Variants in MTO1 observed in about 807,000 individuals in gnomAD.
MTO1 encodes mitochondrial tRNA translation optimization 1, also known as 5-taurinomethyluridine-[tRNA] synthase subunit MTO1, mitochondrial.
Under a neutral mutation model 71.6 loss-of-function variants are expected in MTO1, and 46 were observed. The observed-to-expected ratio is 0.64, with a 90% CI of 0.51 to 0.82. MTO1 has a LOEUF of 0.82. Among genes scored for constraint, MTO1 ranks in the 40% least tolerant of loss-of-function variants. MTO1 has a pLI of 0.00. For missense variants in MTO1, 773 were observed against 867.5 expected, an observed-to-expected ratio of 0.89 and a Z score of 1.37; for synonymous variants, 297 against 312.1, an observed-to-expected ratio of 0.95 and a Z score of 0.51.
chr6:73,493,471 A>G (rs570909416), intron 10 of MTO1, among the ~76,000 whole-genome samples: 86 of 150,078 alleles, frequency 5.7e-4, no homozygotes, highest in African/African-American at 2.1e-3. Flanking sequence ...GCTCACTGCA[A>G]CCTACACCTC....
intron 1 of MTO1, among the ~76,000 whole-genome samples, chr6:73,465,344 A>G (rs571099240): frequency 6.6e-6 from 1 of 151,834 alleles, no homozygotes; most frequent in Non-Finnish European, 1.5e-5. Flanking sequence ...TTTGTATTTT[A>G]GTAGAGACGG....
Position 73,466,171 on chromosome 6 carries a change from G to A in MTO1, c.218-38G>A, listed in dbSNP as rs76943968. 2.9e-3 allele frequency: 4,425 copies of A among 1,529,026 alleles called. 65 individuals are homozygous for A. In the African/African-American group the frequency reaches 0.035, roughly 12 times the overall value. 94.7% of individuals were successfully genotyped at this position (1,529,026 alleles called of 1,614,324 possible). A position where few individuals can be genotyped will look rare whatever the true frequency, so the allele number is the denominator to read the frequency against. On this transcript the variant is annotated intron_variant, in intron 1 of 11. Coordinates refer to ENST00000498286, the MANE Select transcript of MTO1 (RefSeq NM_012123.4). ...ATTAAGTAGTCACTATGTGCAAGGT[G>A]CTCATATATTTATTTTGTTTATGTC...
intron 9 of MTO1, among the ~76,000 whole-genome samples, chr6:73,490,756 G>A (rs942656109): frequency 1.9e-4 from 28 of 150,458 alleles, no homozygotes; most frequent in African/African-American, 6.6e-4. Context: ...AACCTTCTAA[G>A]TAAATTACAG....
rs1771444461 is a variant in MTO1 at position 73,480,118 on chromosome 6, T to G, written c.1121T>G (p.Ile374Ser). 6.2e-7 allele frequency: 1 copy of G among 1,613,694 alleles called. No individual in the cohort carries two copies. Among genetic ancestry groups the G allele is most frequent in the Non-Finnish European group, 8.5e-7 (1 of 1,179,852 alleles). The change falls in exon 6 of 12, where the codon ATT (isoleucine) becomes AGT (serine). Residue 374 changes from isoleucine to serine, a missense_variant. Transcript: ENST00000498286. ...AGAGGCTTGGAGAAAGCTAAAGTGATTCAGCCAGGTAAAGAAGATCACAAG... is the reference window on the plus strand; with the variant it reads ...AGAGGCTTGGAGAAAGCTAAAGTGAGTCAGCCAGGTAAAGAAGATCACAAG... ...CIRGLEKAKVIQPGYGVQYDY... is the reference protein window; with the variant it reads ...CIRGLEKAKVSQPGYGVQYDY...
At chr6:73,496,353 A>C (rs1771976979) in intron 10 of MTO1, among the ~76,000 whole-genome samples, 1 of 152,162 alleles carries the variant, frequency 6.6e-6, no homozygotes. Context: ...TATCTTCCTA[A>C]CATCACTTTT....
intron 10 of MTO1, 147 bp downstream of exon 10, chr6:73,492,499 C>T (rs1282252318): frequency 3.5e-6 from 2 of 576,612 alleles, no homozygotes; most frequent in Non-Finnish European, 6.2e-6. Flanking sequence ...ATTGCAACAC[C>T]TACAAGCTTG....
At chr6:73,487,953 C>T (rs1771702128) in intron 9 of MTO1, 1 of 152,146 alleles carries the variant, frequency 6.6e-6, no homozygotes, top group African/African-American at 2.4e-5. Flanking sequence ...TTCAACAGTG[C>T]ACAAGATTGC....
rs1215370502 is a variant in MTO1 at position 73,504,780 on chromosome 6, G to A, written c.*4045G>A. On this transcript the variant is annotated 3_prime_UTR_variant, in exon 12 of 12. Transcript: ENST00000498286. Reference sequence around the variant, plus strand: ...CACGTACCTGTTGTTCCAGCAACTTGGGGGCTGAGGCAGGAGAATCACTTG... The same window carrying A: ...CACGTACCTGTTGTTCCAGCAACTTAGGGGCTGAGGCAGGAGAATCACTTG... 6.6e-6 allele frequency: 1 copy of A among 152,146 alleles called. No homozygotes were observed. The highest frequency in any genetic ancestry group is 2.4e-5 in the African/African-American group (1 of 41,438). The allele number at this position is 152,146 out of a possible 1,614,324, so 9.4% of individuals were successfully genotyped here.
At chr6:73,479,125 G>A (rs966950846) in intron 4 of MTO1, among the ~76,000 whole-genome samples, 1 of 151,174 alleles carries the variant, frequency 6.6e-6, no homozygotes, top group East Asian at 2.0e-4. Flanking sequence ...CTGACCTCGT[G>A]CTCCACCTGC....
intron 10 of MTO1, among the ~76,000 whole-genome samples, chr6:73,497,382 G>A (rs1263867929): frequency 1.3e-5 from 2 of 151,620 alleles, no homozygotes; most frequent in African/African-American, 4.8e-5. Context: ...TCGAACTCTT[G>A]AGCTCAGACT....
intron 9 of MTO1, among the ~76,000 whole-genome samples, chr6:73,483,506 A>G (rs539381540): frequency 3.6e-4 from 54 of 152,068 alleles, no homozygotes; most frequent in African/African-American, 1.2e-3. Context: ...TTTGGCTTTC[A>G]TAAGATTTAG....
rs1771464327 is a variant in MTO1 at position 73,480,711 on chromosome 6, A to G, written c.1166A>G (p.Gln389Arg). Residue 389 changes from glutamine (Q) to arginine (R), a missense_variant, in exon 7 of 12, where the codon CAG (glutamine) becomes CGG (arginine). By Grantham distance (43) the Gln-to-Arg change is conservative. Coordinates refer to ENST00000498286, the MANE Select transcript of MTO1 (RefSeq NM_012123.4). ...GVQYDYLDPR[Q>R]ITPSLETHLV... is the part of the protein sequence containing the mutation. ...CAGTATGATTACTTAGATCCCCGTC[A>G]GATCACCCCTTCCTTGGAGACTCAT... The G allele has an allele frequency of 6.2e-7, 1 of 1,613,878 alleles. No homozygotes were observed. Among genetic ancestry groups the G allele is most frequent in the African/African-American group, 1.3e-5 (1 of 74,934 alleles).
intron 1 of MTO1, among the ~76,000 whole-genome samples, chr6:73,463,289 C>T (rs2150025400): frequency 6.6e-6 from 1 of 152,170 alleles, no homozygotes; most frequent in Middle Eastern, 3.4e-3. Flanking sequence ...CCTCGGCCTC[C>T]CAAAATGCTG....
intron 7 of MTO1, chr6:73,481,142 T>G (rs766249118): frequency 3.8e-5 from 11 of 289,196 alleles, no homozygotes; most frequent in Non-Finnish European, 6.7e-5. Flanking sequence ...TTAGTAGAGA[T>G]ATGGTTTCAC....
Position 73,503,560 on chromosome 6 carries a change from C to T in MTO1, c.*2825C>T, listed in dbSNP as rs1042713258. ...AGGAAGAAATCAGCTAAAAATGTAA[C>T]CTTACTCAATGTAGTTACTTCATAG... is the stretch of plus-strand genomic sequence containing the variant. On this transcript the variant is annotated 3_prime_UTR_variant, in exon 12 of 12. Transcript: ENST00000498286. 1 of 152,188 alleles carries T rather than the reference C, an allele frequency of 6.6e-6. No homozygotes were observed. Among genetic ancestry groups the T allele is most frequent in the African/African-American group, 2.4e-5 (1 of 41,442 alleles). The allele number at this position is 152,188 out of a possible 1,614,324, so 9.4% of individuals were successfully genotyped here.
At chr6:73,474,155 C>A in intron 4 of MTO1, among the ~76,000 whole-genome samples, 1 of 151,732 alleles carries the variant, frequency 6.6e-6, no homozygotes, top group African/African-American at 2.4e-5. Context: ...AGCAGTGGCA[C>A]GATCTCAGCT....
At chr6:73,494,034 A>G (rs187471741) in intron 10 of MTO1, among the ~76,000 whole-genome samples, 222 of 152,042 alleles carry the variant, frequency 1.5e-3, no homozygotes, top group Middle Eastern at 6.8e-3. Context: ...GAAGTTCGAG[A>G]CCAGCCTGGC....
intron 3 of MTO1, among the ~76,000 whole-genome samples, chr6:73,470,084 A>G (rs74338644): frequency 0.03 from 4,631 of 152,332 alleles, 234 homozygotes; most frequent in African/African-American, 0.11. Flanking sequence ...CAGAAGAATC[A>G]GTTTTCCACC....
At position 73,473,525 on chromosome 6, in the gene MTO1, G is replaced by A; in HGVS notation, c.696G>A (p.Val232=). The stretch of plus-strand genomic sequence containing the variant: ...CACTGGAGAAGTTAGGGTTTGTGGT[G>A]GGAAGGTTGAAGACTGGGACTCCAC... ...AQTLEKLGFV[V]GRLKTGTPPR... Residue 232 remains valine, a synonymous_variant, in exon 4 of 12, where the codon GTG becomes GTA. Coordinates refer to ENST00000498286, the MANE Select transcript of MTO1 (RefSeq NM_012123.4). 1 of 1,614,038 alleles carries A rather than the reference G, an allele frequency of 6.2e-7. No individual in the cohort carries two copies. Among genetic ancestry groups the A allele is most frequent in the Non-Finnish European group, 8.5e-7 (1 of 1,180,036 alleles).
Sources: allele counts gnomAD v4.1 joint callset (sites outside exome capture counted in the v4.1 genomes callset), GRCh38; gene constraint gnomAD v4.1.1; transcripts MANE v1.5; gene names NCBI Gene and HGNC (gene_info 2026-07-23, HGNC 2026-07-21).